The following NALCN variants were observed in gnomAD, a reference collection of about 807,000 sequenced individuals.
NALCN encodes sodium leak channel, non-selective.
In NALCN, 111 loss-of-function variants were observed where a neutral mutation model predicts 225.3. That is an observed-to-expected ratio of 0.49 (90% CI 0.42 to 0.58). NALCN has a LOEUF of 0.58. Among genes scored for constraint, NALCN ranks in the 20% least tolerant of loss-of-function variants. The pLI is 0.00. For missense variants in NALCN, 1,378 were observed against 2,202.4 expected (o/e 0.63, Z 7.49); for synonymous variants, 764 against 769.0 (o/e 0.99, Z 0.11).
rs1283074877 is a variant in NALCN at position 101,259,602 on chromosome 13, G to A, written c.1135-1028C>T. Among the ~76,000 whole-genome samples the A allele has an allele frequency of 5.3e-5, 8 of 151,492 alleles. No homozygotes were observed. The South Asian group carries it at 1.7e-3, about 32-fold the overall frequency. ...GCCCGCCTCGGCCTCCCAAAGTGTT[G>A]GGATTACAGGCATGAGCCACCATGC... On this transcript the variant is annotated intron_variant, in intron 10 of 43. Transcript: ENST00000251127.
intron 26 of NALCN, among the ~76,000 whole-genome samples, chr13:101,101,710 C>A (rs1378474524): frequency 6.6e-6 from 1 of 152,140 alleles, no homozygotes; most frequent in Non-Finnish European, 1.5e-5. Context: ...TCCTGAAGAG[C>A]AAATCTGTTA....
chr13:101,201,329 G>C (rs2040113894), intron 13 of NALCN, among the ~76,000 whole-genome samples: 1 of 152,140 alleles, frequency 6.6e-6, no homozygotes, highest in Non-Finnish European at 1.5e-5. Flanking sequence ...ATACTTGTTA[G>C]CTGTCATTCT....
chr13:101,103,426 C>A, intron 25 of NALCN, 87 bp from the exon 26 acceptor site: 1 of 1,447,812 alleles, frequency 6.9e-7, no homozygotes, highest in Non-Finnish European at 9.3e-7. Flanking sequence ...CACAACTTTT[C>A]ATTTAGCAGA....
chr13:101,113,788 G>A (rs1056413442), intron 18 of NALCN, among the ~76,000 whole-genome samples: 9 of 152,214 alleles, frequency 5.9e-5, no homozygotes, highest in Non-Finnish European at 8.8e-5. Flanking sequence ...TATACTCCAT[G>A]TTCCTACAGT....
chr13:101,298,183 G>T (rs1319296017), intron 7 of NALCN, among the ~76,000 whole-genome samples: 1 of 152,218 alleles, frequency 6.6e-6, no homozygotes, highest in Non-Finnish European at 1.5e-5. Context: ...ATCCTGAATG[G>T]TGGTCAAATA....
intron 10 of NALCN, among the ~76,000 whole-genome samples, chr13:101,273,384 A>G (rs1261469914): frequency 3.3e-5 from 5 of 152,220 alleles, no homozygotes; most frequent in South Asian, 4.1e-4. Flanking sequence ...AGAGTCAATT[A>G]TAACTTTTCA....
At chr13:101,105,716 T>G (rs964004484) in intron 22 of NALCN, among the ~76,000 whole-genome samples, 1 of 152,204 alleles carries the variant, frequency 6.6e-6, no homozygotes, top group Non-Finnish European at 1.5e-5. Context: ...TCATGGAAGA[T>G]TTTAATAATT....
rs1327230592 is a variant in NALCN, at chr13:101,062,089, C to G, written c.4634G>C (p.Arg1545Pro). Residue 1545 changes from arginine to proline, a missense_variant, in exon 41 of 44, where the codon CGG becomes CCG. Around this residue, in one of 19 missense-constraint regions of NALCN, gnomAD observed 94 missense variants for 170.3 expected, o/e 0.55. Transcript: ENST00000251127. ...SMLSYRSVDI[R>P]KSLQLEELLA... Reference sequence around the variant, plus strand: ...GAGTTCCTCCAGCTGCAAGCTCTTCCGGATGTCCACGGACCGGTATGAAAG... The same window carrying G: ...GAGTTCCTCCAGCTGCAAGCTCTTCGGGATGTCCACGGACCGGTATGAAAG... The G allele has an allele frequency of 6.2e-7, 1 of 1,614,112 alleles. No homozygotes were observed. The highest frequency in any genetic ancestry group is 1.7e-5 in the Admixed American group (1 of 60,026).
intron 3 of NALCN, among the ~76,000 whole-genome samples, chr13:101,388,677 G>A (rs1052461471): frequency 6.6e-6 from 1 of 152,106 alleles, no homozygotes; most frequent in African/African-American, 2.4e-5. Context: ...TCATTAGACT[G>A]TGACAACTAG....
chr13:101,188,712 T>A (rs889231229), intron 14 of NALCN, among the ~76,000 whole-genome samples: 2 of 151,180 alleles, frequency 1.3e-5, no homozygotes, highest in African/African-American at 2.4e-5. Flanking sequence ...GAGATGGAGT[T>A]TCACTGTTGT....
At chr13:101,411,488 C>CAGT (rs1468989761) in intron 1 of NALCN, among the ~76,000 whole-genome samples, 1 of 151,862 alleles carries the variant, frequency 6.6e-6, no homozygotes, top group Non-Finnish European at 1.5e-5. Context: ...GCTGAGATTA[C>CAGT]AGGTGCCCAC....
intron 14 of NALCN, among the ~76,000 whole-genome samples, chr13:101,189,929 G>A (rs1176590443): frequency 6.6e-6 from 1 of 152,076 alleles, no homozygotes; most frequent in Non-Finnish European, 1.5e-5. Context: ...GGAGTCCTTG[G>A]ATGAACTTTA....
intron 15 of NALCN, among the ~76,000 whole-genome samples, chr13:101,147,278 C>T (rs1186426101): frequency 3.9e-5 from 6 of 151,944 alleles, no homozygotes; most frequent in Admixed American, 1.3e-4. Context: ...CTTCATTCTG[C>T]GGTTATTGCC....
intron 10 of NALCN, among the ~76,000 whole-genome samples, chr13:101,281,404 A>G (rs949895884): frequency 6.6e-6 from 1 of 152,192 alleles, no homozygotes; most frequent in African/African-American, 2.4e-5. Context: ...GTACTCAGTA[A>G]ATATCAGTTG....
chr13:101,284,795 G>A (rs377392595), intron 9 of NALCN, among the ~76,000 whole-genome samples: 159 of 152,142 alleles, frequency 1.0e-3, no homozygotes, highest in African/African-American at 3.7e-3. Context: ...TTATCTCCTA[G>A]GTACCTATTA....
At chr13:101,240,740 A>G (rs573001470) in intron 11 of NALCN, among the ~76,000 whole-genome samples, 3 of 152,240 alleles carry the variant, frequency 2.0e-5, no homozygotes, top group Non-Finnish European at 4.4e-5. Flanking sequence ...AATTTTTATC[A>G]TGTTTAAAGA....
At chr13:101,262,074 C>T (rs1389515820) in intron 10 of NALCN, among the ~76,000 whole-genome samples, 1 of 152,156 alleles carries the variant, frequency 6.6e-6, no homozygotes, top group East Asian at 1.9e-4. Context: ...TGAATTTTGC[C>T]AAATGCTTTT....
intron 18 of NALCN, among the ~76,000 whole-genome samples, chr13:101,111,532 T>C (rs138972868): frequency 5.9e-5 from 9 of 152,232 alleles, no homozygotes; most frequent in African/African-American, 2.2e-4. Context: ...CAGGACACCA[T>C]AAGCAGAAGG....
intron 17 of NALCN, among the ~76,000 whole-genome samples, chr13:101,139,986 G>A (rs905674219): frequency 6.6e-6 from 1 of 152,220 alleles, no homozygotes; most frequent in East Asian, 1.9e-4. Context: ...GTCTTATGAG[G>A]AACACCAAGA....
Sources: gnomAD v4.1 joint callset for allele counts (sites outside exome capture counted in the v4.1 genomes callset) on GRCh38, gnomAD v4.1.1 for gene constraint, gnomAD v4.1.1 regional missense constraint, MANE v1.5 for transcripts, NCBI Gene and HGNC (gene_info 2026-07-23, HGNC 2026-07-21) for gene names.